The following ADGRL2 variants were observed in gnomAD, a reference collection of about 807,000 sequenced individuals.
ADGRL2 encodes adhesion G protein-coupled receptor L2.
Under a neutral mutation model 157.4 loss-of-function variants are expected in ADGRL2, and 44 were observed. The ratio of observed to expected loss-of-function variants is 0.28; its 90% CI spans 0.22 to 0.36. The LOEUF is 0.36. Among genes scored for constraint, ADGRL2 ranks in the 10% least tolerant of loss-of-function variants. The pLI, the probability that ADGRL2 is intolerant of heterozygous loss-of-function variation, is 1.00. For synonymous variants in ADGRL2, 585 were observed against 624.7 expected (o/e 0.94, Z 0.95); for missense variants, 1,510 against 1,768.9 (o/e 0.85, Z 2.63).
At chr1:81,592,795 G>C (rs1216056331) in intron 3 of ADGRL2, among the ~76,000 whole-genome samples, 1 of 151,952 alleles carries the variant, frequency 6.6e-6, no homozygotes, top group Non-Finnish European at 1.5e-5. Context: ...GAGGTGTAGG[G>C]GTGGGGAAGT....
intron 2 of ADGRL2, among the ~76,000 whole-genome samples, chr1:81,543,346 C>T (rs184191154): frequency 6.6e-6 from 1 of 152,056 alleles, no homozygotes; most frequent in East Asian, 1.9e-4. Flanking sequence ...CATGTGAGGA[C>T]ACAAGGAGAA....
intron 1 of ADGRL2, among the ~76,000 whole-genome samples, chr1:81,717,003 T>C (rs1206070176): frequency 6.6e-6 from 1 of 152,258 alleles, no homozygotes; most frequent in Non-Finnish European, 1.5e-5. Context: ...TTATATGGGA[T>C]ACTGCATGTT....
rs34612206 is a variant in ADGRL2, at chr1:81,632,754, C to CAA, written c.-143+51788_-143+51789dup. ...AGCCTGGGCAACAGAGACTCCGTCT[C>CAA]AAAAAAAAAAAAAAAGTCATTGTGG... On this transcript the variant is annotated intron_variant, in intron 3 of 24. Coordinates refer to the ADGRL2 transcript ENST00000370721. 3.4e-3 allele frequency among the ~76,000 whole-genome samples: 380 copies of CAA among 112,124 alleles called. 1 individual carries two copies. The highest frequency in any genetic ancestry group is 0.011 in the African/African-American group (336 of 31,744). The allele number at this position is 112,124 out of a possible 152,430, so 73.6% of individuals were successfully genotyped here. A position where few individuals can be genotyped will look rare whatever the true frequency, so the allele number is the denominator to read the frequency against.
chr1:81,891,029 G>A (rs1052042588), intron 2 of ADGRL2, among the ~76,000 whole-genome samples: 3 of 151,922 alleles, frequency 2.0e-5, no homozygotes, highest in Admixed American at 6.6e-5. Context: ...AGATGAACTG[G>A]TCACTGTTAG....
chr1:81,627,098 A>C (rs2081926071), intron 3 of ADGRL2, among the ~76,000 whole-genome samples: 1 of 151,914 alleles, frequency 6.6e-6, no homozygotes, highest in Non-Finnish European at 1.5e-5. Context: ...TATTATTATT[A>C]TTATTACTAT....
intron 2 of ADGRL2, among the ~76,000 whole-genome samples, chr1:81,529,272 A>T (rs1270288803): frequency 6.6e-6 from 1 of 152,236 alleles, no homozygotes; most frequent in Non-Finnish European, 1.5e-5. Context: ...CAGTGGAAAG[A>T]AGGGAGGAAC....
At chr1:81,874,003 T>C (rs1268023526) in intron 2 of ADGRL2, among the ~76,000 whole-genome samples, 2 of 152,170 alleles carry the variant, frequency 1.3e-5, no homozygotes, top group East Asian at 1.9e-4. Flanking sequence ...TCCAGATTTC[T>C]ATGTAATGTT....
intron 3 of ADGRL2, among the ~76,000 whole-genome samples, chr1:81,581,874 G>GCAGACACACACACACACA (rs1553127044): frequency 2.2e-4 from 18 of 83,554 alleles, no homozygotes; most frequent in African/African-American, 5.4e-4. Context: ...ACACATGCGC[G>GCAGACACACACACACACA]CACACACACA....
intron 1 of ADGRL2, among the ~76,000 whole-genome samples, chr1:81,313,325 A>G (rs889957947): frequency 4.6e-5 from 7 of 152,218 alleles, no homozygotes; most frequent in African/African-American, 1.7e-4. Flanking sequence ...AAATTAGCAT[A>G]TCCTTAAAGA....
intron 2 of ADGRL2, among the ~76,000 whole-genome samples, chr1:81,528,646 C>CAAAAAAAAAAAAAAAAAAAAAAAAAAA (rs59842382): frequency 8.7e-6 from 1 of 114,662 alleles, no homozygotes; most frequent in Admixed American, 9.5e-5. Context: ...GACTCCATCT[C>CAAAAAAAAAAAAAAAAAAAAAAAAAAA]AAAAAAAAAA....
chr1:81,327,236 G>A (rs1308420939), intron 1 of ADGRL2, among the ~76,000 whole-genome samples: 5 of 152,164 alleles, frequency 3.3e-5, no homozygotes, highest in Non-Finnish European at 5.9e-5. Flanking sequence ...TAAGTTTGCT[G>A]AGAATGGAAT....
At chr1:81,953,449 TAAATA>T (rs1374083277) in intron 10 of ADGRL2, among the ~76,000 whole-genome samples, 2 of 152,152 alleles carry the variant, frequency 1.3e-5, no homozygotes, top group Non-Finnish European at 2.9e-5. Context: ...GGTATACTCT[TAAATA>T]AAATAGGCTT....
chr1:81,796,635 T>C (rs895598484), upstream of ADGRL2, among the ~76,000 whole-genome samples: 2 of 152,224 alleles, frequency 1.3e-5, no homozygotes, highest in Non-Finnish European at 2.9e-5. Context: ...AATCTTTATA[T>C]ACAATTATGC....
intron 2 of ADGRL2, among the ~76,000 whole-genome samples, chr1:81,524,332 C>G (rs532245809): frequency 3.3e-5 from 5 of 152,290 alleles, no homozygotes; most frequent in Admixed American, 6.5e-5. Flanking sequence ...AGCCACTGCA[C>G]TCTAGCCTGG....
intron 1 of ADGRL2, among the ~76,000 whole-genome samples, chr1:81,323,698 A>G (rs1260470559): frequency 1.3e-5 from 2 of 152,206 alleles, no homozygotes; most frequent in African/African-American, 4.8e-5. Flanking sequence ...AGCTGATCAG[A>G]TTTAATTGGA....
chr1:81,391,470 G>A (rs1166300301), intron 1 of ADGRL2, among the ~76,000 whole-genome samples: 4 of 152,400 alleles, frequency 2.6e-5, no homozygotes, highest in African/African-American at 7.2e-5. Context: ...AAAACAAAGA[G>A]AATTTGGCAA....
chr1:81,907,807 T>C (rs2094616769), intron 3 of ADGRL2, among the ~76,000 whole-genome samples: 1 of 152,164 alleles, frequency 6.6e-6, no homozygotes, highest in South Asian at 2.1e-4. Context: ...CCAAAGTCCA[T>C]AGTTTACAAT....
In ADGRL2 at chr1:81,743,272, A is replaced by G. The variant is rs1333424289; in HGVS notation, c.-142-18539A>G. On this transcript the variant is annotated intron_variant, in intron 1 of 20. Coordinates refer to the ADGRL2 transcript ENST00000359929. Reference sequence around the variant, plus strand: ...ATGAATGGAGAGGGCTTGTTTGTCTAGAGTTGGTGCTTTAATAGAAAACGG... The same window carrying G: ...ATGAATGGAGAGGGCTTGTTTGTCTGGAGTTGGTGCTTTAATAGAAAACGG... Among the ~76,000 whole-genome samples, 4 of 151,998 alleles carry G rather than the reference A, an allele frequency of 2.6e-5. No individual in the cohort carries two copies. In the East Asian group the frequency reaches 7.7e-4, roughly 29 times the overall value.
At chr1:81,705,159 T>A (rs1232463468) in intron 1 of ADGRL2, among the ~76,000 whole-genome samples, 1 of 152,112 alleles carries the variant, frequency 6.6e-6, no homozygotes, top group Admixed American at 6.5e-5. Flanking sequence ...TTCAAGCAGT[T>A]CTCTGCCTCA....
Sources: gnomAD v4.1 joint callset for allele counts (sites outside exome capture counted in the v4.1 genomes callset) on GRCh38, gnomAD v4.1.1 for gene constraint, MANE v1.5 for transcripts, NCBI Gene and HGNC (gene_info 2026-07-23, HGNC 2026-07-21) for gene names.